The following TRIM27 variants were observed in gnomAD, a reference collection of about 807,000 sequenced individuals.
The protein encoded by TRIM27 is tripartite motif containing 27.
TRIM27 carries 12 observed loss-of-function variants against 57.6 expected under a neutral mutation model. The ratio of observed to expected loss-of-function variants is 0.21; its 90% CI spans 0.13 to 0.34. TRIM27 has a LOEUF of 0.34. Ranked by LOEUF, TRIM27 falls within the 10% of genes least tolerant of loss-of-function variation. The probability of loss-of-function intolerance (pLI) is 1.00; values close to 1 mark genes in which losing one functional copy is unlikely to be tolerated. For missense variants in TRIM27, 403 were observed against 656.8 expected, an observed-to-expected ratio of 0.61 and a Z score of 4.22; for synonymous variants, 266 against 259.0, an observed-to-expected ratio of 1.03 and a Z score of -0.26.
rs928708603 is a variant in TRIM27 at position 28,904,219 on chromosome 6, T to C, written c.1393A>G (p.Thr465Ala). 1 of 1,612,854 alleles carries C rather than the reference T, an allele frequency of 6.2e-7. No homozygotes were observed. Among genetic ancestry groups the C allele is most frequent in the African/African-American group, 1.3e-5 (1 of 74,880 alleles). The change falls in exon 8 of 8, where the codon ACC becomes GCC. Residue 465 changes from threonine (T) to alanine (A), a missense_variant. By Grantham distance (58) the Thr-to-Ala change is moderately conservative (BLOSUM62 0). Transcript: ENST00000377199. This position sits in a 1 kb window ranked among gnomAD's most constrained non-coding sequence, Gnocchi z 6.1. ...RCHTFTFSHATFCGPVRPYFS... is the reference protein window; with the variant it reads ...RCHTFTFSHAAFCGPVRPYFS... ...TAGGGCCGGACAGGCCCACAAAAGG[T>C]AGCATGAGAGAAAGTGAAGGTGTGA...
chr6:28,912,284 G>C (rs558776893), intron 3 of TRIM27, among the ~76,000 whole-genome samples: 81 of 152,008 alleles, frequency 5.3e-4, no homozygotes, highest in African/African-American at 1.9e-3. Context: ...TAATTTTTGT[G>C]TTTTTAGCAC....
chr6:28,917,234 T>A (rs1159521108), intron 3 of TRIM27, among the ~76,000 whole-genome samples: 1 of 152,068 alleles, frequency 6.6e-6, no homozygotes, highest in African/African-American at 2.4e-5. Context: ...GCTTACTCAG[T>A]GCCCACGCCA....
At position 28,915,319 on chromosome 6, in the gene TRIM27, A is replaced by C. The variant is rs912898721; in HGVS notation, c.748-3601T>G. ...AAAAAAAAAAAAAAAAAAAAAAAAG[A>C]AGCTTTAGACCAGGCGCAGTAGCTC... On this transcript the variant is annotated intron_variant, in intron 3 of 7. Transcript: ENST00000377199. 20 of 138,080 alleles carry C rather than the reference A, an allele frequency of 1.4e-4. No individual in the cohort carries two copies. The Middle Eastern group carries it at 0.011, about 78-fold the overall frequency. The allele number at this position is 138,080 out of a possible 1,614,324, so 8.6% of individuals were successfully genotyped here.
At position 28,904,692 on chromosome 6, in the gene TRIM27, G is replaced by A; in HGVS notation, c.947-27C>T. On this transcript the variant is annotated intron_variant, in intron 7 of 7. Transcript: ENST00000377199. The surrounding 1 kb of genome is among the most constrained non-coding windows in gnomAD (Gnocchi z 6.1). Reference sequence around the variant, plus strand: ...TGTAGAGACACAAGGAAGACAGTCAGCCGTGGGCCAGGAGAGCCTATTTTA... The same window carrying A: ...TGTAGAGACACAAGGAAGACAGTCAACCGTGGGCCAGGAGAGCCTATTTTA... 1 of 1,567,288 alleles carries A rather than the reference G, an allele frequency of 6.4e-7. No homozygotes were observed. Among genetic ancestry groups the A allele is most frequent in the Non-Finnish European group, 8.6e-7 (1 of 1,159,608 alleles).
At position 28,903,982 on chromosome 6, in the gene TRIM27, G is replaced by T; in HGVS notation, c.*88C>A. 9.5e-7 allele frequency: 1 copy of T among 1,056,280 alleles called. No homozygotes were observed. The highest frequency in any genetic ancestry group is 1.4e-6 in the Non-Finnish European group (1 of 702,954). The allele number at this position is 1,056,280 out of a possible 1,614,324, so 65.4% of individuals were successfully genotyped here. A position where few individuals can be genotyped will look rare whatever the true frequency, so the allele number is the denominator to read the frequency against. Reference sequence around the variant, plus strand: ...GCGTGGAACATGGTAAGGATACCCAGCTGTGACAGGACGTGGCAAGGCAAC... The same window carrying T: ...GCGTGGAACATGGTAAGGATACCCATCTGTGACAGGACGTGGCAAGGCAAC... On this transcript the variant is annotated 3_prime_UTR_variant, in exon 8 of 8. Transcript: ENST00000377199.
At chr6:28,910,123 GAAAAAAAA>G (rs9278120) in intron 4 of TRIM27, among the ~76,000 whole-genome samples, 1 of 97,620 alleles carries the variant, frequency 1.0e-5, no homozygotes, top group Non-Finnish European at 2.2e-5. Flanking sequence ...AAAGAAAAAT[GAAAAAAAA>G]AAAAAAAAAA....
intron 5 of TRIM27, 55 bp from the exon 6 acceptor site, chr6:28,908,895 A>G: frequency 6.2e-7 from 1 of 1,609,154 alleles, no homozygotes; most frequent in Non-Finnish European, 8.5e-7. Flanking sequence ...CTGGCTGGAA[A>G]ATTATCCTCT....
chr6:28,921,179 G>A (rs572764662), intron 2 of TRIM27, among the ~76,000 whole-genome samples: 1 of 152,116 alleles, frequency 6.6e-6, no homozygotes, highest in South Asian at 2.1e-4. Flanking sequence ...TCGGGAGTTC[G>A]AGACCAGCCT....
chr6:28,904,693 C>T lies in TRIM27; in HGVS notation c.947-28G>A. ...GTAGAGACACAAGGAAGACAGTCAG[C>T]CGTGGGCCAGGAGAGCCTATTTTAG... On this transcript the variant is annotated intron_variant, in intron 7 of 7. Coordinates refer to ENST00000377199, the MANE Select transcript of TRIM27 (RefSeq NM_006510.5). This position sits in a 1 kb window ranked among gnomAD's most constrained non-coding sequence, Gnocchi z 6.1. 6.4e-7 allele frequency: 1 copy of T among 1,564,974 alleles called. No homozygotes were observed. The highest frequency in any genetic ancestry group is 8.6e-7 in the Non-Finnish European group (1 of 1,158,526).
chr6:28,904,759 GTTC>G lies in TRIM27; in HGVS notation c.947-97_947-95del. On this transcript the variant is annotated intron_variant, in intron 7 of 7. Coordinates refer to ENST00000377199, the MANE Select transcript of TRIM27 (RefSeq NM_006510.5). The surrounding 1 kb of genome is among the most constrained non-coding windows in gnomAD (Gnocchi z 6.1). Reference sequence around the variant, plus strand: ...TCTACTACCTCCCCAATAATAAGAGGTTCCCACTGGAGGTTGCACGTATTTTAT... The same window carrying G: ...TCTACTACCTCCCCAATAATAAGAGGCCACTGGAGGTTGCACGTATTTTAT... The G allele has an allele frequency of 1.2e-6, 1 of 823,734 alleles. No homozygotes were observed. The highest frequency in any genetic ancestry group is 1.9e-6 in the Non-Finnish European group (1 of 539,932). 51.0% of individuals were successfully genotyped at this position (823,734 alleles called of 1,614,324 possible). A position where few individuals can be genotyped will look rare whatever the true frequency, so the allele number is the denominator to read the frequency against.
Position 28,903,930 on chromosome 6 carries a change from A to G in TRIM27, c.*140T>C, listed in dbSNP as rs1656467001. On this transcript the variant is annotated 3_prime_UTR_variant, in exon 8 of 8. Transcript: ENST00000377199. ...GGGAAGGAAAAGGATGGTAGAGAAC[A>G]TGGACATCCTGTCTCCCACTGCAAG... 1.5e-6 allele frequency: 1 copy of G among 667,270 alleles called. No individual in the cohort carries two copies. Among genetic ancestry groups the G allele is most frequent in the Non-Finnish European group, 2.7e-6 (1 of 374,560 alleles). 41.3% of individuals were successfully genotyped at this position (667,270 alleles called of 1,614,324 possible). A position where few individuals can be genotyped will look rare whatever the true frequency, so the allele number is the denominator to read the frequency against.
Position 28,920,041 on chromosome 6 carries a change from G to A in TRIM27, c.718C>T (p.Gln240Ter). ...AGGAGCTCCCTGGTGGGCTGCTGCT[G>A]CTTCTCTTCTAGCTGAGCGATCAGG... The part of the protein sequence containing the change: ...SSLIAQLEEK[Q>*]QQPTRELLQD... Residue 240 changes from glutamine to a stop codon, truncating the protein, a stop_gained, in exon 3 of 8, where the codon CAG becomes TAG. Transcript: ENST00000377199. LOFTEE classifies it high-confidence loss of function. The A allele has an allele frequency of 6.2e-7, 1 of 1,613,732 alleles. No homozygotes were observed. Among genetic ancestry groups the A allele is most frequent in the Non-Finnish European group, 8.5e-7 (1 of 1,179,970 alleles).
rs979151011 is a variant in TRIM27 at position 28,911,494 on chromosome 6, C to T, written c.770+202G>A. Reference sequence around the variant, plus strand: ...CCCCTAATCCACCGGCAGCCTCCCACATGAACCCCCTACTTCCTGAATTTT... The same window carrying T: ...CCCCTAATCCACCGGCAGCCTCCCATATGAACCCCCTACTTCCTGAATTTT... On this transcript the variant is annotated intron_variant, in intron 4 of 7. Transcript: ENST00000377199. 10 of 565,946 alleles carry T rather than the reference C, an allele frequency of 1.8e-5. No individual in the cohort carries two copies. The Middle Eastern group carries it at 1.2e-3, about 69-fold the overall frequency. 35.1% of individuals were successfully genotyped at this position (565,946 alleles called of 1,614,324 possible).
At position 28,908,996 on chromosome 6, in the gene TRIM27, G is replaced by A. The variant is rs1206675835; in HGVS notation, c.863C>T (p.Thr288Met). 1.1e-5 allele frequency: 18 copies of A among 1,613,664 alleles called. No homozygotes were observed. The highest frequency in any genetic ancestry group is 8.0e-5 in the African/African-American group (6 of 74,876). ...ACCTGTGAACTGCTTTAGACTCTCC[G>A]TCAAGAATAGACATTTTTGGGCAAA... ...HIFAQKCLFL[T>M]ESLKQFTEKM... is the part of the protein sequence containing the mutation. The change falls in exon 5 of 8, where the codon ACG becomes ATG. Residue 288 changes from threonine to methionine, a missense_variant. Thr to Met is a moderately conservative substitution (Grantham distance 81). Transcript: ENST00000377199.
intron 1 of TRIM27, 150 bp from the exon 2 acceptor site, chr6:28,922,137 CAG>C: frequency 1.6e-6 from 1 of 616,382 alleles, no homozygotes; most frequent in South Asian, 2.0e-5. Flanking sequence ...ACAAGAGACT[CAG>C]GGCGCAGGGG....
chr6:28,921,874 A>C lies in TRIM27; in HGVS notation c.516+18T>G. 1 of 1,602,808 alleles carries C rather than the reference A, an allele frequency of 6.2e-7. No homozygotes were observed. The highest frequency in any genetic ancestry group is 8.5e-7 in the Non-Finnish European group (1 of 1,170,892). On this transcript the variant is annotated intron_variant, in intron 2 of 7. Coordinates refer to ENST00000377199, the MANE Select transcript of TRIM27 (RefSeq NM_006510.5). ...GAGAGCACCAGCAGAACCAACTGTG[A>C]ATTCCAACAACCCTTACCAAGAGTT...
chr6:28,914,290 A>G (rs758502992), intron 3 of TRIM27, among the ~76,000 whole-genome samples: 36 of 151,346 alleles, frequency 2.4e-4, no homozygotes, highest in Non-Finnish European at 2.2e-4. Flanking sequence ...ATGTGCCACC[A>G]CACCTGGCTA....
Position 28,918,603 on chromosome 6 carries a change from C to T in TRIM27, c.747+1409G>A, listed in dbSNP as rs112548373. Among the ~76,000 whole-genome samples the T allele has an allele frequency of 5.9e-5, 9 of 151,932 alleles. 1 individual carries two copies. The highest frequency in any genetic ancestry group is 2.1e-4 in the South Asian group (1 of 4,802). ...CATTTAAAAATGTAAACTGGCCTGA[C>T]GCTGTGGCTCACACTTGTAATCCCA... On this transcript the variant is annotated intron_variant, in intron 3 of 7. Transcript: ENST00000377199.
chr6:28,920,276 A>C, intron 2 of TRIM27, 34 bp from the exon 3 acceptor site: 1 of 1,537,968 alleles, frequency 6.5e-7, no homozygotes, highest in Non-Finnish European at 8.8e-7. Flanking sequence ...AGTAAAGAGA[A>C]AAACGGCTCA....
Sources: gnomAD v4.1 joint callset for allele counts (sites outside exome capture counted in the v4.1 genomes callset) on GRCh38, gnomAD v4.1.1 for gene constraint, Gnocchi (gnomAD v3.1) non-coding constraint, MANE v1.5 for transcripts, NCBI Gene and HGNC (gene_info 2026-07-23, HGNC 2026-07-21) for gene names.